Variants in ARHGEF28 observed in about 807,000 individuals in gnomAD.
The protein encoded by ARHGEF28 is 190 kDa guanine nucleotide exchange factor.
Under a neutral mutation model 206.6 loss-of-function variants are expected in ARHGEF28, and 152 were observed. The observed-to-expected ratio is 0.74, with a 90% confidence interval of 0.64 to 0.84. ARHGEF28 has a LOEUF of 0.84. ARHGEF28 is among the 40% of genes least tolerant of loss of function. The probability of loss-of-function intolerance (pLI) is 0.00; values close to 1 mark genes in which losing one functional copy is unlikely to be tolerated. For missense variants in ARHGEF28, 2,028 were observed against 2,073.2 expected, an observed-to-expected ratio of 0.98 and a Z score of 0.42; for synonymous variants, 763 against 776.4, an observed-to-expected ratio of 0.98 and a Z score of 0.29.
At chr5:73,811,068 G>A (rs1017256810) in intron 9 of ARHGEF28, among the ~76,000 whole-genome samples, 11 of 151,962 alleles carry the variant, frequency 7.2e-5, no homozygotes, top group African/African-American at 1.2e-4. Flanking sequence ...ATTTCTAACC[G>A]CCTTGGAAAT....
intron 1 of ARHGEF28, among the ~76,000 whole-genome samples, chr5:73,658,400 G>A (rs553797978): frequency 1.3e-5 from 2 of 152,138 alleles, no homozygotes; most frequent in Non-Finnish European, 2.9e-5. Flanking sequence ...TGAAAAGGGA[G>A]GATTTGAACA....
chr5:73,881,401 T>C (rs766649132), intron 22 of ARHGEF28, among the ~76,000 whole-genome samples: 4 of 152,236 alleles, frequency 2.6e-5, no homozygotes, highest in African/African-American at 4.8e-5. Context: ...ACATCTTTAC[T>C]ATTTTGAGTC....
chr5:73,818,618 A>G (rs1298505053), intron 9 of ARHGEF28, among the ~76,000 whole-genome samples: 1 of 152,224 alleles, frequency 6.6e-6, no homozygotes, highest in Non-Finnish European at 1.5e-5. Context: ...CATACAGAGC[A>G]GTTTCAATTC....
At chr5:73,667,653 C>G (rs1255699808) in intron 1 of ARHGEF28, among the ~76,000 whole-genome samples, 1 of 152,158 alleles carries the variant, frequency 6.6e-6, no homozygotes, top group African/African-American at 2.4e-5. Flanking sequence ...GACAGCTTTT[C>G]TCTTCTTTAC....
intron 35 of ARHGEF28, among the ~76,000 whole-genome samples, chr5:73,913,808 T>G (rs887844706): frequency 3.9e-5 from 6 of 152,238 alleles, no homozygotes; most frequent in African/African-American, 1.4e-4. Context: ...TGGGCTGGTA[T>G]TTTAGCTAAA....
At chr5:73,741,759 G>T (rs1244955746) in intron 2 of ARHGEF28, among the ~76,000 whole-genome samples, 1 of 151,834 alleles carries the variant, frequency 6.6e-6, no homozygotes, top group African/African-American at 2.4e-5. Context: ...TTAATGCAGA[G>T]GTTTGAATAA....
At chr5:73,763,078 A>G (rs1438248345) in intron 4 of ARHGEF28, among the ~76,000 whole-genome samples, 1 of 152,218 alleles carries the variant, frequency 6.6e-6, no homozygotes, top group Non-Finnish European at 1.5e-5. Context: ...GAAAGAAGAA[A>G]TGTTGGTGTG....
chr5:73,814,907 A>G (rs997462277), intron 9 of ARHGEF28, among the ~76,000 whole-genome samples: 2 of 152,216 alleles, frequency 1.3e-5, no homozygotes, highest in African/African-American at 4.8e-5. Flanking sequence ...CTCAGCCTGA[A>G]CACATTTTTC....
Position 73,909,710 on chromosome 5 carries a change from T to TGCGGA in ARHGEF28, c.4463_4467dup (p.Arg1490GlyfsTer20). 1.3e-6 allele frequency: 2 copies of TGCGGA among 1,528,072 alleles called. No homozygotes were observed. Among genetic ancestry groups the TGCGGA allele is most frequent in the Middle Eastern group, 2.2e-4 (1 of 4,522 alleles). 94.7% of individuals were successfully genotyped at this position (1,528,072 alleles called of 1,614,324 possible). ...TGCCAGTCGCAGGAGGAGCTGCTGC[T>TGCGGA]GCGGAGCCGGGGCGAGCTGGACCTC... On this transcript the variant is annotated frameshift_variant, in exon 34 of 36. Coordinates refer to ENST00000513042, the MANE Select transcript of ARHGEF28 (RefSeq NM_001177693.2). LOFTEE classifies it high-confidence loss of function.
At chr5:73,904,664 G>T in intron 33 of ARHGEF28, 2 of 467,292 alleles carry the variant, frequency 4.3e-6, no homozygotes, top group East Asian at 3.4e-5. Flanking sequence ...ATATGATCTG[G>T]CTTGACATTT....
chr5:73,678,988 G>C (rs550370613), intron 1 of ARHGEF28, among the ~76,000 whole-genome samples: 3 of 152,314 alleles, frequency 2.0e-5, no homozygotes, highest in Admixed American at 2.0e-4. Context: ...TCCTGGGTTT[G>C]GGAGATCCTC....
At chr5:73,680,434 CAAAAAAA>C (rs71615795) in intron 1 of ARHGEF28, among the ~76,000 whole-genome samples, 8 of 30,514 alleles carry the variant, frequency 2.6e-4, no homozygotes, top group African/African-American at 3.5e-4. Context: ...GACTCCATCT[CAAAAAAA>C]AAAAAAAAAA....
At chr5:73,920,102 C>T (rs1763437363) in intron 35 of ARHGEF28, among the ~76,000 whole-genome samples, 1 of 152,306 alleles carries the variant, frequency 6.6e-6, no homozygotes, top group South Asian at 2.1e-4. Context: ...GACTCTTTTA[C>T]TGAGGCACTG....
At chr5:73,801,239 G>A (rs1332935888) in intron 9 of ARHGEF28, among the ~76,000 whole-genome samples, 2 of 152,114 alleles carry the variant, frequency 1.3e-5, no homozygotes, top group African/African-American at 4.8e-5. Flanking sequence ...GAGGTCGGGA[G>A]ATCGAGACCA....
chr5:73,691,716 A>AT (rs1217507175), intron 2 of ARHGEF28, among the ~76,000 whole-genome samples: 1 of 152,188 alleles, frequency 6.6e-6, no homozygotes, highest in Non-Finnish European at 1.5e-5. Context: ...TATCTTTTCC[A>AT]ACTCAGTGAT....
At chr5:73,912,780 TTAC>T (rs1204672135) in intron 35 of ARHGEF28, among the ~76,000 whole-genome samples, 3 of 152,236 alleles carry the variant, frequency 2.0e-5, no homozygotes, top group African/African-American at 7.2e-5. Flanking sequence ...TCTTACAACT[TTAC>T]TACAATAGAG....
intron 9 of ARHGEF28, among the ~76,000 whole-genome samples, chr5:73,802,808 T>TAG: frequency 6.6e-6 from 1 of 151,014 alleles, no homozygotes; most frequent in African/African-American, 2.4e-5. Flanking sequence ...CCCATGTATA[T>TAG]AGGCATTTAC....
At chr5:73,877,906 T>G (rs527853270) in intron 22 of ARHGEF28, among the ~76,000 whole-genome samples, 3 of 152,300 alleles carry the variant, frequency 2.0e-5, no homozygotes, top group African/African-American at 7.2e-5. Flanking sequence ...TTCTGTTGAT[T>G]TGGGGTGGAG....
At position 73,737,928 on chromosome 5, in the gene ARHGEF28, G is replaced by C. The variant is rs191852477; in HGVS notation, c.34-11909G>C. On this transcript the variant is annotated intron_variant, in intron 2 of 35. Transcript: ENST00000513042. Reference sequence around the variant, plus strand: ...TCTCTAGTTTCCATCAGGACTTCAAGTTTTCCATGCTATGACTGGGCTGGC... The same window carrying C: ...TCTCTAGTTTCCATCAGGACTTCAACTTTTCCATGCTATGACTGGGCTGGC... Among the ~76,000 whole-genome samples the C allele has an allele frequency of 1.3e-3, 203 of 152,260 alleles. 2 individuals are homozygous for C. Among genetic ancestry groups the C allele is most frequent in the African/African-American group, 4.7e-3 (196 of 41,544 alleles).
Sources: gnomAD v4.1 joint callset for allele counts (sites outside exome capture counted in the v4.1 genomes callset) on GRCh38, gnomAD v4.1.1 for gene constraint, MANE v1.5 for transcripts, NCBI Gene and HGNC (gene_info 2026-07-23, HGNC 2026-07-21) for gene names.